The following SCAP variants were observed in gnomAD, a reference collection of about 807,000 sequenced individuals.
The protein encoded by SCAP is sterol regulatory element-binding protein cleavage-activating protein.
SCAP carries 65 observed loss-of-function variants against 123.6 expected under a neutral mutation model. That is an observed-to-expected ratio of 0.53 (90% CI 0.43 to 0.65). SCAP has a LOEUF of 0.65. Ranked by LOEUF, SCAP falls within the 30% of genes least tolerant of loss-of-function variation. The pLI, the probability that SCAP is intolerant of heterozygous loss-of-function variation, is 0.00. For missense variants in SCAP, 1,398 were observed against 1,712.5 expected, an observed-to-expected ratio of 0.82 and a Z score of 3.24; for synonymous variants, 740 against 726.3, an observed-to-expected ratio of 1.02 and a Z score of -0.30.
intron 20 of SCAP, 38 bp downstream of exon 20, chr3:47,414,788 CG>C: frequency 6.3e-7 from 1 of 1,597,442 alleles, no homozygotes; most frequent in Non-Finnish European, 8.5e-7. Flanking sequence ...CACCCCGTGC[CG>C]GGCCACTCCA....
At chr3:47,418,626 T>TTTCC in intron 14 of SCAP, 29 bp downstream of exon 14, 1 of 1,459,570 alleles carries the variant, frequency 6.9e-7, no homozygotes, top group Non-Finnish European at 9.5e-7. Context: ...CCGCACTCTT[T>TTTCC]CCCACCCCAC....
Position 47,425,999 on chromosome 3 carries a change from G to A in SCAP, c.908C>T (p.Thr303Met), listed in dbSNP as rs773485375. 9 of 1,613,998 alleles carry A rather than the reference G, an allele frequency of 5.6e-6. No individual in the cohort carries two copies. Among genetic ancestry groups the A allele is most frequent in the East Asian group, 2.2e-5 (1 of 44,884 alleles). ...IILFAYIYFS[T>M]RKIDMVKSKW... Reference sequence around the variant, plus strand: ...CAGCCTCCCTGCCATGAACCTACGCGTGGAGAAGTAGATGTAGGCAAACAA... The same window carrying A: ...CAGCCTCCCTGCCATGAACCTACGCATGGAGAAGTAGATGTAGGCAAACAA... The change falls in exon 7 of 23, where the codon ACG becomes ATG. Residue 303 changes from threonine (T) to methionine (M), a missense_variant and splice_region_variant. Coordinates refer to ENST00000265565, the MANE Select transcript of SCAP (RefSeq NM_012235.4).
chr3:47,455,682 T>C (rs1363049029), intron 1 of SCAP, among the ~76,000 whole-genome samples: 1 of 149,432 alleles, frequency 6.7e-6, no homozygotes, highest in Non-Finnish European at 1.5e-5. Flanking sequence ...AAGAAAAACA[T>C]GCCACATTCT....
intron 2 of SCAP, among the ~76,000 whole-genome samples, chr3:47,440,171 T>C (rs1006182423): frequency 3.9e-5 from 6 of 152,172 alleles, no homozygotes; most frequent in Non-Finnish European, 8.8e-5. Context: ...AAGTCTTTCA[T>C]CCCAGGAACA....
chr3:47,414,969 G>A lies in SCAP; in HGVS notation c.3164C>T (p.Pro1055Leu). The A allele has an allele frequency of 6.2e-7, 1 of 1,602,242 alleles. No homozygotes were observed. The highest frequency in any genetic ancestry group is 8.5e-7 in the Non-Finnish European group (1 of 1,174,894). Residue 1055 changes from proline (P) to leucine (L), a missense_variant, in exon 20 of 23, where the codon CCT becomes CTT. Around this residue, in one of 7 missense-constraint regions of SCAP, gnomAD observed 828 missense variants for 882.5 expected, o/e 0.94. Coordinates refer to ENST00000265565, the MANE Select transcript of SCAP (RefSeq NM_012235.4). ...FRGTPGRGSS[P>L]ASPVYSSSDT... ...GCTGCTGCTGTACACTGGAGAGGCA[G>A]GGGAACTGCCCCGCCCTGGGGTCCC... is the stretch of plus-strand genomic sequence containing the variant.
intron 14 of SCAP, 65 bp downstream of exon 14, chr3:47,418,590 C>G: frequency 6.5e-7 from 1 of 1,550,350 alleles, no homozygotes; most frequent in Non-Finnish European, 8.7e-7. Context: ...TCCCTCTCCC[C>G]TACTCTTGCC....
In SCAP at chr3:47,417,237, C is replaced by T. The variant is rs772167078; in HGVS notation, c.2971-30G>A. The T allele has an allele frequency of 7.4e-6, 12 of 1,612,620 alleles. No individual in the cohort carries two copies. In the South Asian group the frequency reaches 1.3e-4, roughly 18 times the overall value. On this transcript the variant is annotated intron_variant, in intron 17 of 22. Coordinates refer to ENST00000265565, the MANE Select transcript of SCAP (RefSeq NM_012235.4). ...GAGTCCAGAGGCTGTGAGCACCTGCCAGCCAGAAAGGCCCACAATCCCCGG... is the reference window on the plus strand; with the variant it reads ...GAGTCCAGAGGCTGTGAGCACCTGCTAGCCAGAAAGGCCCACAATCCCCGG...
rs759921710 is a variant in SCAP, at chr3:47,422,534, G to A, written c.1153C>T (p.Leu385=). 14 of 1,610,700 alleles carry A rather than the reference G, an allele frequency of 8.7e-6. No homozygotes were observed. The South Asian group carries it at 1.3e-4, about 15-fold the overall frequency. The change falls in exon 10 of 23, where the codon CTA becomes TTA. Residue 385 remains leucine (L), a splice_region_variant and synonymous_variant. Transcript: ENST00000265565. ...LEVKLRIAQG[L]SSESWSIMKN... ...ATGATGGACCAGCTCTCGCTGCTTAGGCCTGCAGAGGGCAGCAACAGGGCA... is the reference window on the plus strand; with the variant it reads ...ATGATGGACCAGCTCTCGCTGCTTAAGCCTGCAGAGGGCAGCAACAGGGCA...
At chr3:47,445,721 A>G (rs1261729051) in intron 1 of SCAP, among the ~76,000 whole-genome samples, 1 of 151,244 alleles carries the variant, frequency 6.6e-6, no homozygotes, top group African/African-American at 2.4e-5. Flanking sequence ...ACAGGTGCAC[A>G]CCACCACACT....
At chr3:47,461,985 G>C (rs1707658581) in intron 1 of SCAP, among the ~76,000 whole-genome samples, 1 of 152,100 alleles carries the variant, frequency 6.6e-6, no homozygotes, top group South Asian at 2.1e-4. Context: ...AGTGAGCTGA[G>C]ATCACACTGC....
At chr3:47,415,067 G>A in intron 19 of SCAP, 31 bp downstream of exon 19, 3 of 1,586,792 alleles carry the variant, frequency 1.9e-6, no homozygotes. Flanking sequence ...CCCACCAAGT[G>A]TGAACACCTG....
At chr3:47,433,976 G>T (rs924281146) in intron 3 of SCAP, among the ~76,000 whole-genome samples, 1 of 152,158 alleles carries the variant, frequency 6.6e-6, no homozygotes, top group Non-Finnish European at 1.5e-5. Context: ...CCACAAAACT[G>T]GTTTCACCAC....
At chr3:47,421,479 AAG>A (rs147281523) in intron 10 of SCAP, 295 of 174,872 alleles carry the variant, frequency 1.7e-3, no homozygotes, top group South Asian at 4.1e-3. Flanking sequence ...CGGAACAATG[AAG>A]AGAGAGAGAG....
rs1415381176 is a variant in SCAP at position 47,418,261 on chromosome 3, C to T, written c.2332-12G>A. The T allele has an allele frequency of 5.1e-6, 8 of 1,559,308 alleles. No individual in the cohort carries two copies. Among genetic ancestry groups the T allele is most frequent in the Admixed American group, 1.9e-5 (1 of 52,372 alleles). On this transcript the variant is annotated splice_polypyrimidine_tract_variant and intron_variant, in intron 15 of 22. Coordinates refer to ENST00000265565, the MANE Select transcript of SCAP (RefSeq NM_012235.4). ...AGGCACTCGATGTCCTGCAGAAGCC[C>T]GGTGTTGGTATGGGCCAGGCTCCGG...
Position 47,439,148 on chromosome 3 carries a change from C to T in SCAP, c.122+3724G>A, listed in dbSNP as rs114974019. Among the ~76,000 whole-genome samples the T allele has an allele frequency of 4.7e-3, 716 of 152,182 alleles. 8 individuals are homozygous for T. The highest frequency in any genetic ancestry group is 0.017 in the African/African-American group (695 of 41,516). On this transcript the variant is annotated intron_variant, in intron 2 of 22. Coordinates refer to ENST00000265565, the MANE Select transcript of SCAP (RefSeq NM_012235.4). The surrounding 1 kb of genome is among the most constrained non-coding windows in gnomAD (Gnocchi z 4.0). Reference sequence around the variant, plus strand: ...ACTAGGCTGAGCAAGGTGGCTTATGCCTATAATCCCAGGACTTTGGGAGGC... The same window carrying T: ...ACTAGGCTGAGCAAGGTGGCTTATGTCTATAATCCCAGGACTTTGGGAGGC...
At chr3:47,459,794 A>G (rs559688178) in intron 1 of SCAP, among the ~76,000 whole-genome samples, 3 of 152,292 alleles carry the variant, frequency 2.0e-5, no homozygotes, top group South Asian at 2.1e-4. Flanking sequence ...ACAACAGAAA[A>G]TAGGGTTCAA....
chr3:47,474,397 G>A (rs1708187556), intron 1 of SCAP, among the ~76,000 whole-genome samples: 2 of 152,160 alleles, frequency 1.3e-5, no homozygotes, highest in South Asian at 2.1e-4. Context: ...TTTATACAGT[G>A]TTAAATATAT....
rs570452946 is a variant in SCAP at position 47,454,223 on chromosome 3, C to T, written c.-98-11132G>A. 5.9e-5 allele frequency among the ~76,000 whole-genome samples: 9 copies of T among 151,972 alleles called. No individual in the cohort carries two copies. In the South Asian group the frequency reaches 8.3e-4, roughly 14 times the overall value. ...TCTACTAAAAATACAAAAAATTAGC[C>T]GGGCGAGGTGGCGGGCACCTGTAGT... On this transcript the variant is annotated intron_variant, in intron 1 of 22. Transcript: ENST00000265565.
At chr3:47,417,982 G>T in intron 16 of SCAP, 152 bp downstream of exon 16, 2 of 564,420 alleles carry the variant, frequency 3.5e-6, no homozygotes, top group Non-Finnish European at 6.4e-6. Flanking sequence ...GGGGTACGGG[G>T]TGGTGGGAGG....
Sources: allele counts gnomAD v4.1 joint callset (sites outside exome capture counted in the v4.1 genomes callset), GRCh38; gene constraint gnomAD v4.1.1; regional missense constraint gnomAD v4.1.1; non-coding constraint Gnocchi (gnomAD v3.1); transcripts MANE v1.5; gene names NCBI Gene and HGNC (gene_info 2026-07-23, HGNC 2026-07-21).